The following XRCC4 variants were observed in gnomAD, a reference collection of about 807,000 sequenced individuals.
XRCC4 encodes the protein DNA repair protein XRCC4.
A neutral mutation model predicts 39.1 loss-of-function variants in XRCC4; 28 were observed. That is an observed-to-expected ratio of 0.72 (90% CI 0.53 to 0.98). The LOEUF is 0.98. Ranked by LOEUF, XRCC4 falls within the 50% of genes least tolerant of loss-of-function variation. The pLI is 0.00. For missense variants in XRCC4, 350 were observed against 376.4 expected, an observed-to-expected ratio of 0.93 and a Z score of 0.58; for synonymous variants, 123 against 126.4, an observed-to-expected ratio of 0.97 and a Z score of 0.18.
chr5:83,127,765 T>G (rs1403896814), intron 3 of XRCC4, among the ~76,000 whole-genome samples: 1 of 152,102 alleles, frequency 6.6e-6, no homozygotes, highest in Non-Finnish European at 1.5e-5. Flanking sequence ...TTAATATTCC[T>G]TATCATGTGA....
Position 83,136,142 on chromosome 5 carries a change from G to C in XRCC4, c.315+24939G>C, listed in dbSNP as rs1363513717. ...CGCTATTGAGGCAAAATACTTCTGA[G>C]TCCTTTTACCTGATCCCTATTGTTT... On this transcript the variant is annotated intron_variant, in intron 3 of 7. Transcript: ENST00000396027. Among the ~76,000 whole-genome samples, 3 of 152,112 alleles carry C rather than the reference G, an allele frequency of 2.0e-5. No individual in the cohort carries two copies. The East Asian group carries it at 5.8e-4, about 29-fold the overall frequency.
intron 7 of XRCC4, among the ~76,000 whole-genome samples, chr5:83,271,296 A>G (rs1754137937): frequency 6.6e-6 from 1 of 152,180 alleles, no homozygotes; most frequent in South Asian, 2.1e-4. Flanking sequence ...ATCATAGATT[A>G]TTATGTACTC....
chr5:83,278,725 C>T (rs1042298858), intron 7 of XRCC4, among the ~76,000 whole-genome samples: 1 of 151,948 alleles, frequency 6.6e-6, no homozygotes, highest in Non-Finnish European at 1.5e-5. Flanking sequence ...GTGGCTCATA[C>T]CTGTAATCCT....
At chr5:83,203,774 A>G in intron 5 of XRCC4, 67 bp downstream of exon 5, 1 of 1,570,384 alleles carries the variant, frequency 6.4e-7, no homozygotes, top group African/African-American at 1.4e-5. Flanking sequence ...TCCCAAAGTT[A>G]ATGAACATTA....
intron 3 of XRCC4, among the ~76,000 whole-genome samples, chr5:83,181,861 T>C (rs989446724): frequency 1.3e-5 from 2 of 152,138 alleles, no homozygotes; most frequent in Admixed American, 1.3e-4. Flanking sequence ...TAGTCAGAAA[T>C]ACAGCAAATG....
chr5:83,314,857 T>C (rs1755825139), intron 7 of XRCC4, among the ~76,000 whole-genome samples: 1 of 152,090 alleles, frequency 6.6e-6, no homozygotes, highest in Non-Finnish European at 1.5e-5. Context: ...GGCCTCCCTA[T>C]TCCCTGACCC....
At position 83,123,208 on chromosome 5, in the gene XRCC4, G is replaced by A. The variant is rs771624789; in HGVS notation, c.315+12005G>A. On this transcript the variant is annotated intron_variant, in intron 3 of 7. Coordinates refer to ENST00000396027, the MANE Select transcript of XRCC4 (RefSeq NM_003401.5). ...TATCAGACATTACTTCATGTATTTT[G>A]AGTCTTTGTTAATTAGGTGTAAAAC... is the stretch of plus-strand genomic sequence containing the variant. Among the ~76,000 whole-genome samples the A allele has an allele frequency of 1.1e-4, 17 of 152,010 alleles. 1 individual carries two copies. The highest frequency in any genetic ancestry group is 6.6e-5 in the Admixed American group (1 of 15,266).
rs908179400 is a variant in XRCC4, at chr5:83,350,691, G to A, written c.894-2440G>A. 2.6e-5 allele frequency among the ~76,000 whole-genome samples: 4 copies of A among 151,972 alleles called. No individual in the cohort carries two copies. In the South Asian group the frequency reaches 6.2e-4, roughly 24 times the overall value. On this transcript the variant is annotated intron_variant, in intron 7 of 7. Coordinates refer to ENST00000396027, the MANE Select transcript of XRCC4 (RefSeq NM_003401.5). The stretch of plus-strand genomic sequence containing the variant: ...ACTTTTGACAGATGCATATTTTGAG[G>A]ATATTTTCTCCTATTCTGTAAGCTG...
chr5:83,093,311 A>G (rs1745517741), intron 1 of XRCC4, among the ~76,000 whole-genome samples: 2 of 152,248 alleles, frequency 1.3e-5, no homozygotes, highest in Admixed American at 1.3e-4. Context: ...ACCTAAATAT[A>G]TAAAGCAAAC....
In XRCC4 at chr5:83,239,152, T is replaced by C. The variant is rs533500871; in HGVS notation, c.746-19378T>C. Among the ~76,000 whole-genome samples the C allele has an allele frequency of 9.2e-5, 14 of 152,288 alleles. No homozygotes were observed. The South Asian group carries it at 1.7e-3, about 18-fold the overall frequency. On this transcript the variant is annotated intron_variant, in intron 6 of 7. Coordinates refer to ENST00000396027, the MANE Select transcript of XRCC4 (RefSeq NM_003401.5). Reference sequence around the variant, plus strand: ...TAACATTTGTTAAATGCCTGTTAGGTGTTGGGCCTGATGTCTGGCTCCAGG... The same window carrying C: ...TAACATTTGTTAAATGCCTGTTAGGCGTTGGGCCTGATGTCTGGCTCCAGG...
At chr5:83,099,098 A>G (rs1245786715) in intron 1 of XRCC4, among the ~76,000 whole-genome samples, 3 of 152,222 alleles carry the variant, frequency 2.0e-5, no homozygotes, top group Non-Finnish European at 4.4e-5. Flanking sequence ...TAACCAGGAA[A>G]CTAATTACAG....
intron 7 of XRCC4, among the ~76,000 whole-genome samples, chr5:83,320,054 G>T (rs1373585877): frequency 6.6e-6 from 1 of 150,586 alleles, no homozygotes; most frequent in Non-Finnish European, 1.5e-5. Context: ...CATGTCCTTT[G>T]TAGGGACATG....
At chr5:83,279,382 A>G (rs990170228) in intron 7 of XRCC4, among the ~76,000 whole-genome samples, 1 of 152,154 alleles carries the variant, frequency 6.6e-6, no homozygotes, top group African/African-American at 2.4e-5. Flanking sequence ...TCTGGGAGCT[A>G]ACCGCACTAT....
intron 3 of XRCC4, among the ~76,000 whole-genome samples, chr5:83,126,579 T>C (rs1269688716): frequency 6.6e-6 from 1 of 152,134 alleles, no homozygotes; most frequent in Non-Finnish European, 1.5e-5. Flanking sequence ...ACAAAGTCAA[T>C]GCCCAGGGGA....
At chr5:83,200,849 G>T (rs1180659760) in intron 4 of XRCC4, among the ~76,000 whole-genome samples, 2 of 152,036 alleles carry the variant, frequency 1.3e-5, no homozygotes, top group South Asian at 2.1e-4. Flanking sequence ...GTGTTTTTTT[G>T]AAAATATTAT....
At chr5:83,265,959 T>A (rs1429716145) in intron 7 of XRCC4, among the ~76,000 whole-genome samples, 1 of 151,952 alleles carries the variant, frequency 6.6e-6, no homozygotes, top group Non-Finnish European at 1.5e-5. Context: ...TGTCTGTTTT[T>A]AAAAAAAATG....
At chr5:83,176,628 A>AT (rs112213729) in intron 3 of XRCC4, among the ~76,000 whole-genome samples, 10,845 of 145,708 alleles carry the variant, frequency 0.074, 678 homozygotes, top group African/African-American at 0.17. Flanking sequence ...AAGTATTGGA[A>AT]TTTTTTTTTT....
intron 6 of XRCC4, among the ~76,000 whole-genome samples, chr5:83,205,133 C>T (rs1401678323): frequency 6.6e-6 from 1 of 152,104 alleles, no homozygotes; most frequent in African/African-American, 2.4e-5. Flanking sequence ...TGTGAGCAAG[C>T]ATTCATACAC....
chr5:83,141,639 CT>C (rs28360069), intron 3 of XRCC4, among the ~76,000 whole-genome samples: 1 of 151,274 alleles, frequency 6.6e-6, no homozygotes, highest in East Asian at 1.9e-4. Context: ...TCTTTTTCCT[CT>C]TTTTTTTCTA....
Sources: allele counts gnomAD v4.1 joint callset (sites outside exome capture counted in the v4.1 genomes callset), GRCh38; gene constraint gnomAD v4.1.1; transcripts MANE v1.5; gene names NCBI Gene and HGNC (gene_info 2026-07-23, HGNC 2026-07-21).